The following CTCF variants were observed in gnomAD, a reference collection of about 807,000 sequenced individuals.
The protein encoded by CTCF is transcriptional repressor CTCF.
Under a neutral mutation model 72.3 loss-of-function variants are expected in CTCF, and 7 were observed. The ratio of observed to expected loss-of-function variants is 0.10; its 90% confidence interval spans 0.06 to 0.18. The LOEUF (loss-of-function observed/expected upper bound fraction) is 0.18. CTCF is among the 10% of genes least tolerant of loss of function. The pLI is 1.00. For synonymous variants in CTCF, 374 were observed against 315.8 expected, an observed-to-expected ratio of 1.18 and a Z score of -1.95; for missense variants, 516 against 949.1, an observed-to-expected ratio of 0.54 and a Z score of 6.00.
At chr16:67,613,469 C>T (rs1013976406) in intron 4 of CTCF, among the ~76,000 whole-genome samples, 3 of 152,134 alleles carry the variant, frequency 2.0e-5, no homozygotes, top group Admixed American at 6.6e-5. Context: ...TTATTTGATA[C>T]TTTGAAGACA....
intron 2 of CTCF, among the ~76,000 whole-genome samples, chr16:67,606,448 TAGAC>T (rs1223128366): frequency 6.6e-6 from 1 of 152,242 alleles, no homozygotes; most frequent in African/African-American, 2.4e-5. Flanking sequence ...TCCTTTATGT[TAGAC>T]AGTAACTCCT....
intron 3 of CTCF, 60 bp from the exon 4 acceptor site, chr16:67,611,891 T>G: frequency 7.0e-7 from 1 of 1,432,710 alleles, no homozygotes; most frequent in South Asian, 1.2e-5. Context: ...AATTTAAGAT[T>G]AGGATTAATC....
At chr16:67,616,903 A>G (rs1404537418) in intron 5 of CTCF, 25 bp downstream of exon 5, 2 of 1,612,832 alleles carry the variant, frequency 1.2e-6, no homozygotes, top group Non-Finnish European at 1.7e-6. Context: ...TTTTGTTGGT[A>G]TCTCTCTTAG....
chr16:67,609,376 T>C (rs976814811), intron 2 of CTCF, among the ~76,000 whole-genome samples: 2 of 152,200 alleles, frequency 1.3e-5, no homozygotes, highest in South Asian at 2.1e-4. Context: ...ATATGTCCTT[T>C]ACCAGTGTCT....
intron 2 of CTCF, among the ~76,000 whole-genome samples, chr16:67,588,428 G>A (rs968311456): frequency 3.3e-5 from 5 of 152,122 alleles, no homozygotes; most frequent in Non-Finnish European, 5.9e-5. Flanking sequence ...TGGGTCTGCA[G>A]TGTGGCAAGG....
At chr16:67,631,193 C>A in intron 10 of CTCF, among the ~76,000 whole-genome samples, 1 of 128,354 alleles carries the variant, frequency 7.8e-6, no homozygotes, top group Non-Finnish European at 1.6e-5. Context: ...GAGACAGTGT[C>A]TCCCTCTTGT....
chr16:67,586,674 G>GT (rs751182310), intron 2 of CTCF, among the ~76,000 whole-genome samples: 66 of 151,732 alleles, frequency 4.3e-4, no homozygotes, highest in Non-Finnish European at 7.5e-4. Context: ...GTAACATTTT[G>GT]TTTCTTTTGT....
At chr16:67,624,118 T>TGTA (rs2052247356) in intron 7 of CTCF, among the ~76,000 whole-genome samples, 3 of 120,982 alleles carry the variant, frequency 2.5e-5, no homozygotes, top group Admixed American at 1.5e-4. Context: ...TGTGTGTGTA[T>TGTA]GTGTGTGTAT....
At chr16:67,593,863 C>T (rs551119302) in intron 2 of CTCF, among the ~76,000 whole-genome samples, 1 of 152,180 alleles carries the variant, frequency 6.6e-6, no homozygotes, top group South Asian at 2.1e-4. Flanking sequence ...ATGGATTATT[C>T]CTAGTATAAT....
At chr16:67,570,491 C>G (rs1428529188) in intron 1 of CTCF, among the ~76,000 whole-genome samples, 1 of 151,804 alleles carries the variant, frequency 6.6e-6, no homozygotes, top group Non-Finnish European at 1.5e-5. Flanking sequence ...CTCTGTCGCC[C>G]AGGCTGGAGT....
intron 2 of CTCF, among the ~76,000 whole-genome samples, chr16:67,594,470 G>A (rs925777751): frequency 1.3e-5 from 2 of 151,914 alleles, no homozygotes; most frequent in African/African-American, 4.8e-5. Flanking sequence ...GGGGGATGAA[G>A]TGGGAGGATC....
At chr16:67,573,671 T>C (rs1028353934) in intron 2 of CTCF, among the ~76,000 whole-genome samples, 2 of 152,132 alleles carry the variant, frequency 1.3e-5, no homozygotes, top group Admixed American at 6.6e-5. Flanking sequence ...GTAGTATTTG[T>C]GTAGGGAAAA....
intron 2 of CTCF, among the ~76,000 whole-genome samples, chr16:67,606,070 A>G (rs1365602036): frequency 6.6e-6 from 1 of 152,172 alleles, no homozygotes; most frequent in Non-Finnish European, 1.5e-5. Context: ...CAGAAAGCAT[A>G]AGTGGTTTTC....
intron 1 of CTCF, among the ~76,000 whole-genome samples, chr16:67,566,801 G>T (rs886128967): frequency 2.0e-5 from 3 of 152,016 alleles, no homozygotes; most frequent in Non-Finnish European, 4.4e-5. Flanking sequence ...GGATGGTTTC[G>T]ATCTCCTGAC....
At chr16:67,604,699 A>G (rs1480522380) in intron 2 of CTCF, among the ~76,000 whole-genome samples, 1 of 150,906 alleles carries the variant, frequency 6.6e-6, no homozygotes, top group Non-Finnish European at 1.5e-5. Context: ...CAGGTTAAGT[A>G]AAATAGATTA....
chr16:67,564,530 G>C (rs35482869), intron 1 of CTCF, among the ~76,000 whole-genome samples: 36,557 of 152,166 alleles, frequency 0.24, 5,571 homozygotes, highest in Middle Eastern at 0.35. Flanking sequence ...ATTGCATAGA[G>C]TAACTAAATG....
intron 2 of CTCF, among the ~76,000 whole-genome samples, chr16:67,605,435 A>G (rs1231687694): frequency 6.6e-6 from 1 of 152,300 alleles, no homozygotes; most frequent in East Asian, 1.9e-4. Context: ...AAGCCTTTGC[A>G]TTGGATGTTG....
chr16:67,566,910 C>T (rs947870398), intron 1 of CTCF, among the ~76,000 whole-genome samples: 2 of 150,642 alleles, frequency 1.3e-5, no homozygotes. Context: ...GGGTCTTTCT[C>T]TTTTACCCAG....
chr16:67,563,904 TGACTC>T lies in CTCF; in HGVS notation c.-127+1185_-127+1189del, dbSNP rs377448996. The T allele has an allele frequency of 2.5e-3, 381 of 152,340 alleles. 2 individuals carry two copies. The highest frequency in any genetic ancestry group is 8.8e-3 in the African/African-American group (364 of 41,572). 9.4% of individuals were successfully genotyped at this position (152,340 alleles called of 1,614,324 possible). On this transcript the variant is annotated intron_variant, in intron 1 of 11. Coordinates refer to ENST00000264010, the MANE Select transcript of CTCF (RefSeq NM_006565.4). ...CAGTAGGGCAGAATGAGTTTATTCT[TGACTC>T]GACTGGTAATTTGCCCATGCGATGA...
Sources: gnomAD v4.1 joint callset for allele counts (sites outside exome capture counted in the v4.1 genomes callset) on GRCh38, gnomAD v4.1.1 for gene constraint, MANE v1.5 for transcripts, NCBI Gene and HGNC (gene_info 2026-07-23, HGNC 2026-07-21) for gene names.